HDAC4: variants seen among roughly 807,000 people sequenced by gnomAD.
HDAC4 encodes histone deacetylase 4, also known as histone deacetylase A.
HDAC4 carries 16 observed loss-of-function variants against 135.1 expected under a neutral mutation model. That is an observed-to-expected ratio of 0.12 (90% CI 0.08 to 0.18). The LOEUF (loss-of-function observed/expected upper bound fraction) is 0.18. Among genes scored for constraint, HDAC4 ranks in the 10% least tolerant of loss-of-function variants. HDAC4 has a pLI of 1.00. For synonymous variants in HDAC4, 685 were observed against 653.4 expected, an observed-to-expected ratio of 1.05 and a Z score of -0.74; for missense variants, 1,143 against 1,511.8, an observed-to-expected ratio of 0.76 and a Z score of 4.05.
At chr2:239,187,617 G>A (rs983198707) in intron 4 of HDAC4, among the ~76,000 whole-genome samples, 3 of 152,228 alleles carry the variant, frequency 2.0e-5, no homozygotes, top group Admixed American at 1.3e-4. Flanking sequence ...TCAGGGCCGT[G>A]AGGGAGGCAA....
chr2:239,071,663 C>T (rs1484890729), intron 22 of HDAC4, among the ~76,000 whole-genome samples: 1 of 152,122 alleles, frequency 6.6e-6, no homozygotes, highest in Non-Finnish European at 1.5e-5. Context: ...TGTGCCTTGT[C>T]TTCAGGATGG....
rs528393826 is a variant in HDAC4 at position 239,262,938 on chromosome 2, T to C, written c.23-26274A>G. Among the ~76,000 whole-genome samples the C allele has an allele frequency of 6.6e-6, 1 of 151,666 alleles. No individual in the cohort carries two copies. The highest frequency in any genetic ancestry group is 1.5e-5 in the Non-Finnish European group (1 of 67,900). ...ACCACTGAGACAGCCTGGAAGCTTCTGTGCTTCACGAAAGATCTACGCGTG... is the reference window on the plus strand; with the variant it reads ...ACCACTGAGACAGCCTGGAAGCTTCCGTGCTTCACGAAAGATCTACGCGTG... On this transcript the variant is annotated intron_variant, in intron 2 of 26. Coordinates refer to ENST00000543185, the MANE Select transcript of HDAC4 (RefSeq NM_001378414.1). The surrounding 1 kb of genome is among the most constrained non-coding windows in gnomAD (Gnocchi z 4.1).
intron 7 of HDAC4, among the ~76,000 whole-genome samples, chr2:239,152,247 G>C (rs976840102): frequency 1.3e-5 from 2 of 152,212 alleles, no homozygotes; most frequent in Non-Finnish European, 2.9e-5. Flanking sequence ...GAAGCCATCT[G>C]ACACCCACAC....
intron 12 of HDAC4, among the ~76,000 whole-genome samples, chr2:239,118,486 G>C (rs1391795879): frequency 6.6e-6 from 1 of 152,154 alleles, no homozygotes; most frequent in Non-Finnish European, 1.5e-5. Context: ...GTGCAGCGGT[G>C]GGTGGCCGCG....
In HDAC4 at chr2:239,156,693, C is replaced by G; in HGVS notation, c.692G>C (p.Gly231Ala). The change falls in exon 7 of 27, where the codon GGA (glycine) becomes GCA (alanine). Residue 231 changes from glycine to alanine, a missense_variant. By Grantham distance (60) the Gly-to-Ala change is moderately conservative. This residue lies in a region of HDAC4 where 247 missense variants were observed against 310.0 expected (regional missense o/e 0.80). Transcript: ENST00000543185. Reference sequence around the variant, plus strand: ...GAAGTCATCTTTGGCGTCGTACATTCCCAGGACCGGGTGGTTATAGGAGGT... The same window carrying G: ...GAAGTCATCTTTGGCGTCGTACATTGCCAGGACCGGGTGGTTATAGGAGGT... ...VSTSYNHPVL[G>A]MYDAKDDFPL... 1 of 1,614,154 alleles carries G rather than the reference C, an allele frequency of 6.2e-7. No individual in the cohort carries two copies. Among genetic ancestry groups the G allele is most frequent in the South Asian group, 1.1e-5 (1 of 91,078 alleles).
chr2:239,341,083 C>T (rs573867676), intron 2 of HDAC4, among the ~76,000 whole-genome samples: 105 of 152,238 alleles, frequency 6.9e-4, no homozygotes, highest in Non-Finnish European at 1.0e-3. Flanking sequence ...GGTTTACCAA[C>T]GAAAACCTCT....
chr2:239,309,146 G>A lies in HDAC4; in HGVS notation c.22+43532C>T, dbSNP rs1055667882. 1 of 152,146 alleles carries A rather than the reference G, an allele frequency of 6.6e-6. No individual in the cohort carries two copies. Among genetic ancestry groups the A allele is most frequent in the Non-Finnish European group, 1.5e-5 (1 of 68,040 alleles). The allele number at this position is 152,146 out of a possible 1,614,324, so 9.4% of individuals were successfully genotyped here. A position where few individuals can be genotyped will look rare whatever the true frequency, so the allele number is the denominator to read the frequency against. On this transcript the variant is annotated intron_variant, in intron 2 of 26. Coordinates refer to ENST00000543185, the MANE Select transcript of HDAC4 (RefSeq NM_001378414.1). The surrounding 1 kb of genome is among the most constrained non-coding windows in gnomAD (Gnocchi z 4.2). Reference sequence around the variant, plus strand: ...GCTCCAAAGGCGTTTTTCTCAGGGCGTTCGGCGCCGTAACTCAGGAGAAAC... The same window carrying A: ...GCTCCAAAGGCGTTTTTCTCAGGGCATTCGGCGCCGTAACTCAGGAGAAAC...
Position 239,352,711 on chromosome 2 carries a change from T to A in HDAC4, c.-12A>T. The A allele has an allele frequency of 1.3e-6, 2 of 1,556,444 alleles. No individual in the cohort carries two copies. Among genetic ancestry groups the A allele is most frequent in the Non-Finnish European group, 1.7e-6 (2 of 1,148,802 alleles). On this transcript the variant is annotated 5_prime_UTR_variant, in exon 2 of 27. Transcript: ENST00000543185. This position sits in a 1 kb window ranked among gnomAD's most constrained non-coding sequence, Gnocchi z 4.4. Reference sequence around the variant, plus strand: ...CTTTGGGAGCTCATTGCTAGCAATGTCCACTCCTTTAAGTGATTCGAAATG... The same window carrying A: ...CTTTGGGAGCTCATTGCTAGCAATGACCACTCCTTTAAGTGATTCGAAATG...
intron 2 of HDAC4, among the ~76,000 whole-genome samples, chr2:239,288,708 A>G (rs1317603526): frequency 6.6e-6 from 1 of 152,232 alleles, no homozygotes; most frequent in African/African-American, 2.4e-5. Context: ...AAACAACTAC[A>G]ATCTACCAAA....
In HDAC4 at chr2:239,081,075, T is replaced by G. The variant is rs151192501; in HGVS notation, c.2750+20A>C. On this transcript the variant is annotated intron_variant, in intron 22 of 26. Transcript: ENST00000543185. ...GGAAAAGCTGCTACTTCAGGTGTCATGTGAAGCCGGGAGGCTCACCTGAAG... is the reference window on the plus strand; with the variant it reads ...GGAAAAGCTGCTACTTCAGGTGTCAGGTGAAGCCGGGAGGCTCACCTGAAG... 14,540 of 1,574,270 alleles carry G rather than the reference T, an allele frequency of 9.2e-3. 117 individuals are homozygous for G. The highest frequency in any genetic ancestry group is 0.046 in the Middle Eastern group (278 of 5,986).
chr2:239,282,806 C>G (rs1213527133), intron 2 of HDAC4, among the ~76,000 whole-genome samples: 2 of 151,704 alleles, frequency 1.3e-5, no homozygotes, highest in Non-Finnish European at 2.9e-5. Flanking sequence ...AATGTACACA[C>G]CACTCTACAC....
intron 2 of HDAC4, among the ~76,000 whole-genome samples, chr2:239,246,236 C>T (rs1025732126): frequency 6.6e-6 from 1 of 152,018 alleles, no homozygotes; most frequent in Admixed American, 6.6e-5. Flanking sequence ...GAGTGAGCCA[C>T]GGGGGAAAGG....
At chr2:239,055,802 A>G (rs560217691) in intron 24 of HDAC4, among the ~76,000 whole-genome samples, 8 of 152,144 alleles carry the variant, frequency 5.3e-5, no homozygotes, top group Admixed American at 1.3e-4. Flanking sequence ...GGAAGAGCCC[A>G]CAAAACCAGG....
chr2:239,185,321 G>A (rs1280077815), intron 4 of HDAC4, among the ~76,000 whole-genome samples: 1 of 151,716 alleles, frequency 6.6e-6, no homozygotes, highest in Non-Finnish European at 1.5e-5. Context: ...TGTATCTCCT[G>A]GGGAGAGGTC....
At chr2:239,257,185 A>C (rs2049097183) in intron 2 of HDAC4, among the ~76,000 whole-genome samples, 1 of 152,178 alleles carries the variant, frequency 6.6e-6, no homozygotes, top group African/African-American at 2.4e-5. Context: ...TTTTGACCAA[A>C]AAAACTCTGA....
intron 2 of HDAC4, among the ~76,000 whole-genome samples, chr2:239,257,270 C>A (rs2049103887): frequency 6.6e-6 from 1 of 151,366 alleles, no homozygotes; most frequent in African/African-American, 2.4e-5. Flanking sequence ...GTGAAATAGG[C>A]CATGTGGTCC....
At chr2:239,315,745 A>G (rs1001428296) in intron 2 of HDAC4, among the ~76,000 whole-genome samples, 6 of 152,188 alleles carry the variant, frequency 3.9e-5, no homozygotes, top group African/African-American at 1.4e-4. Flanking sequence ...CACCATACAC[A>G]AGGGTAAACT....
intron 22 of HDAC4, among the ~76,000 whole-genome samples, chr2:239,076,397 T>C (rs960429659): frequency 1.3e-5 from 2 of 152,234 alleles, no homozygotes; most frequent in Non-Finnish European, 2.9e-5. Flanking sequence ...TTATGGCCTG[T>C]ACATACCATC....
At chr2:239,093,483 C>G (rs551173222) in intron 17 of HDAC4, among the ~76,000 whole-genome samples, 100 of 152,246 alleles carry the variant, frequency 6.6e-4, no homozygotes, top group Non-Finnish European at 1.2e-3. Flanking sequence ...CATCCCACAC[C>G]AGGGCAGGGG....
Sources: gnomAD v4.1 joint callset for allele counts (sites outside exome capture counted in the v4.1 genomes callset) on GRCh38, gnomAD v4.1.1 for gene constraint, gnomAD v4.1.1 regional missense constraint, Gnocchi (gnomAD v3.1) non-coding constraint, MANE v1.5 for transcripts, NCBI Gene and HGNC (gene_info 2026-07-23, HGNC 2026-07-21) for gene names.